The following ZNF385B variants were observed in gnomAD, a reference collection of about 807,000 sequenced individuals.
ZNF385B encodes zinc finger protein 533.
In ZNF385B, 23 loss-of-function variants were observed where a neutral mutation model predicts 39.2. That is an observed-to-expected ratio of 0.59 (90% CI 0.42 to 0.83). The LOEUF (loss-of-function observed/expected upper bound fraction) is 0.83, where lower values mean the gene tolerates loss of function less well. ZNF385B is among the 40% of genes least tolerant of loss of function. The pLI is 0.00. For missense variants in ZNF385B, 552 were observed against 598.9 expected (o/e 0.92, Z 0.82); for synonymous variants, 205 against 222.6 (o/e 0.92, Z 0.70).
At chr2:179,485,200 A>G (rs1278233299) in intron 5 of ZNF385B, among the ~76,000 whole-genome samples, 2 of 152,240 alleles carry the variant, frequency 1.3e-5, no homozygotes, top group Non-Finnish European at 2.9e-5. Flanking sequence ...TGGTAAGATC[A>G]TTAGTGGAGA....
chr2:179,849,700 T>G (rs1164583777), intron 1 of ZNF385B, among the ~76,000 whole-genome samples: 1 of 152,150 alleles, frequency 6.6e-6, no homozygotes, highest in Non-Finnish European at 1.5e-5. Context: ...AAATATTGAG[T>G]CAATAAACAT....
chr2:179,510,482 A>T (rs1358973029), intron 5 of ZNF385B, among the ~76,000 whole-genome samples: 1 of 152,114 alleles, frequency 6.6e-6, no homozygotes, highest in Non-Finnish European at 1.5e-5. Context: ...TTTTTGACAA[A>T]CCCATTAGGG....
chr2:179,731,886 C>A (rs1701417244), intron 3 of ZNF385B, among the ~76,000 whole-genome samples: 1 of 152,252 alleles, frequency 6.6e-6, no homozygotes, highest in Non-Finnish European at 1.5e-5. Context: ...CCCTCTGCAA[C>A]CAGCTTGCCT....
chr2:179,591,104 T>TACACACACACACACAC (rs143269141), intron 3 of ZNF385B, among the ~76,000 whole-genome samples: 18 of 149,824 alleles, frequency 1.2e-4, no homozygotes, highest in South Asian at 8.5e-4. Flanking sequence ...ATGATTCATT[T>TACACACACACACACAC]ACACACACAC....
chr2:179,733,522 C>T (rs1701530410), intron 3 of ZNF385B, among the ~76,000 whole-genome samples: 1 of 152,184 alleles, frequency 6.6e-6, no homozygotes, highest in African/African-American at 2.4e-5. Flanking sequence ...GTGGCTCACA[C>T]CTGTAATCCC....
At chr2:179,766,290 T>C (rs16866986) in intron 3 of ZNF385B, among the ~76,000 whole-genome samples, 16,663 of 151,952 alleles carry the variant, frequency 0.11, 1,584 homozygotes, top group East Asian at 0.49. Context: ...AGAGGGGAAG[T>C]CACCTCTTAA....
At chr2:179,691,783 T>C (rs1211403279) in intron 3 of ZNF385B, among the ~76,000 whole-genome samples, 2 of 152,174 alleles carry the variant, frequency 1.3e-5, no homozygotes, top group African/African-American at 4.8e-5. Context: ...AACTAAAAAT[T>C]ATTTTTGTTT....
intron 3 of ZNF385B, among the ~76,000 whole-genome samples, chr2:179,673,930 C>T (rs1696396515): frequency 6.6e-6 from 1 of 151,986 alleles, no homozygotes; most frequent in African/African-American, 2.4e-5. Flanking sequence ...TAAAATCATG[C>T]AGACTTTTAT....
chr2:179,747,762 T>C (rs1702465229), intron 3 of ZNF385B, among the ~76,000 whole-genome samples: 1 of 152,124 alleles, frequency 6.6e-6, no homozygotes, highest in African/African-American at 2.4e-5. Context: ...AGAAAGGTAA[T>C]ACTCTACGTA....
rs537132517 is a variant in ZNF385B, at chr2:179,520,527, A to G, written c.442-1889T>C. Among the ~76,000 whole-genome samples, 68 of 152,300 alleles carry G rather than the reference A, an allele frequency of 4.5e-4. 1 individual carries two copies. In the South Asian group the frequency reaches 0.013, roughly 29 times the overall value. ...TCACTTTCTTATTTTATTCACAAAC[A>G]CAAATACTTAAATCCCATCTATCTA... On this transcript the variant is annotated intron_variant, in intron 4 of 9. Coordinates refer to ENST00000410066, the MANE Select transcript of ZNF385B (RefSeq NM_152520.6).
rs1574625015 is a variant in ZNF385B, at chr2:179,528,076, AC to A, written c.442-9439del. Among the ~76,000 whole-genome samples, 7 of 152,222 alleles carry A rather than the reference AC, an allele frequency of 4.6e-5. No homozygotes were observed. In the South Asian group the frequency reaches 1.2e-3, roughly 27 times the overall value. On this transcript the variant is annotated intron_variant, in intron 4 of 9. Transcript: ENST00000410066. ...AAAGTCATACCAAATATGCAAAAAA[AC>A]AAAACAAAACAAAAAAACACTCTTC...
chr2:179,560,780 T>C (rs997313562), intron 3 of ZNF385B, among the ~76,000 whole-genome samples: 2 of 152,218 alleles, frequency 1.3e-5, no homozygotes, highest in African/African-American at 4.8e-5. Context: ...TAGAAAGCAC[T>C]CATAAAATTT....
chr2:179,844,055 A>G (rs1708677504), intron 1 of ZNF385B, among the ~76,000 whole-genome samples: 1 of 152,200 alleles, frequency 6.6e-6, no homozygotes, highest in Admixed American at 6.5e-5. Context: ...ACAATTCTGT[A>G]CAATGAGCCC....
chr2:179,519,781 G>C (rs1365868268), intron 4 of ZNF385B, among the ~76,000 whole-genome samples: 1 of 152,190 alleles, frequency 6.6e-6, no homozygotes, highest in East Asian at 1.9e-4. Context: ...GAAATCTCCT[G>C]AGGTTAGAGA....
chr2:179,582,863 T>G (rs11689295), intron 3 of ZNF385B, among the ~76,000 whole-genome samples: 31,876 of 152,100 alleles, frequency 0.21, 3,494 homozygotes, highest in Middle Eastern at 0.26. Flanking sequence ...TGTTGTTGTT[T>G]TTTGAGATGG....
At chr2:179,772,764 T>C (rs1383070972) in intron 1 of ZNF385B, among the ~76,000 whole-genome samples, 10 of 152,214 alleles carry the variant, frequency 6.6e-5, no homozygotes, top group Non-Finnish European at 1.3e-4. Flanking sequence ...CTTAATTACA[T>C]GTTTCACTTG....
At chr2:179,535,918 T>C (rs984871139) in intron 4 of ZNF385B, among the ~76,000 whole-genome samples, 1 of 152,200 alleles carries the variant, frequency 6.6e-6, no homozygotes, top group South Asian at 2.1e-4. Flanking sequence ...GACTTAATTC[T>C]AAACACAAAA....
intron 4 of ZNF385B, among the ~76,000 whole-genome samples, chr2:179,538,194 C>T (rs1415126035): frequency 6.6e-6 from 1 of 151,980 alleles, no homozygotes; most frequent in Non-Finnish European, 1.5e-5. Flanking sequence ...TTTTTAATGA[C>T]AGCAAGCACT....
chr2:179,586,517 G>A (rs1423151319), intron 3 of ZNF385B, among the ~76,000 whole-genome samples: 1 of 152,166 alleles, frequency 6.6e-6, no homozygotes, highest in Non-Finnish European at 1.5e-5. Context: ...CTCATCTAAT[G>A]AGTGGCTAAG....
Sources: allele counts gnomAD v4.1 joint callset (sites outside exome capture counted in the v4.1 genomes callset), GRCh38; gene constraint gnomAD v4.1.1; transcripts MANE v1.5; gene names NCBI Gene and HGNC (gene_info 2026-07-23, HGNC 2026-07-21).